Variants in DLG2 observed in about 807,000 individuals in gnomAD.
DLG2 encodes discs large MAGUK scaffold protein 2, also known as disks large homolog 2.
DLG2 carries 45 observed loss-of-function variants against 132.5 expected under a neutral mutation model. That is an observed-to-expected ratio of 0.34 (90% CI 0.27 to 0.44). The LOEUF is 0.44. Among genes scored for constraint, DLG2 ranks in the 20% least tolerant of loss-of-function variants. The probability of loss-of-function intolerance (pLI) is 1.00; values close to 1 mark genes in which losing one functional copy is unlikely to be tolerated. For missense variants in DLG2, 1,045 were observed against 1,196.9 expected, an observed-to-expected ratio of 0.87 and a Z score of 1.87; for synonymous variants, 424 against 419.6, an observed-to-expected ratio of 1.01 and a Z score of -0.13.
At chr11:84,672,219 A>G (rs762400602) in intron 6 of DLG2, among the ~76,000 whole-genome samples, 2 of 152,150 alleles carry the variant, frequency 1.3e-5, no homozygotes, top group Admixed American at 6.6e-5. Flanking sequence ...GTGGGTGTCT[A>G]GTCTATTTCT....
chr11:84,116,026 A>G (rs1157986032), intron 9 of DLG2, among the ~76,000 whole-genome samples: 2 of 152,354 alleles, frequency 1.3e-5, no homozygotes, highest in Middle Eastern at 3.4e-3. Flanking sequence ...TATAAGTTTT[A>G]GAGTTCACAG....
intron 7 of DLG2, among the ~76,000 whole-genome samples, chr11:84,491,344 C>T (rs1771952322): frequency 6.6e-6 from 1 of 152,040 alleles, no homozygotes; most frequent in Non-Finnish European, 1.5e-5. Context: ...ACTCTATTTG[C>T]CTGCCGCCAT....
chr11:83,521,969 C>T (rs928341795), intron 21 of DLG2, among the ~76,000 whole-genome samples: 2 of 152,130 alleles, frequency 1.3e-5, no homozygotes, highest in Non-Finnish European at 2.9e-5. Context: ...CTCCCCAGTA[C>T]CCAAAGAAGA....
chr11:85,322,983 T>C (rs566296390), intron 3 of DLG2, among the ~76,000 whole-genome samples: 1 of 152,300 alleles, frequency 6.6e-6, no homozygotes, highest in South Asian at 2.1e-4. Flanking sequence ...ACAACCCCCA[T>C]TGATTTAACT....
At chr11:84,900,463 A>G (rs976521212) in intron 6 of DLG2, among the ~76,000 whole-genome samples, 2 of 152,094 alleles carry the variant, frequency 1.3e-5, no homozygotes, top group Non-Finnish European at 2.9e-5. Flanking sequence ...GGGGGAATGA[A>G]AAGTAACTAG....
At position 84,945,470 on chromosome 11, in the gene DLG2, C is replaced by A. The variant is rs113881766; in HGVS notation, c.357+166191G>T. ...AGCTATGGAGGGATGACAAAAACAA[C>A]CCTCTGGCTACCACCACTGGGACTG... is the stretch of plus-strand genomic sequence containing the variant. On this transcript the variant is annotated intron_variant, in intron 6 of 27. Transcript: ENST00000376104. Among the ~76,000 whole-genome samples, 276 of 152,300 alleles carry A rather than the reference C, an allele frequency of 1.8e-3. 2 individuals carry two copies. The highest frequency in any genetic ancestry group is 6.3e-3 in the African/African-American group (263 of 41,554).
At chr11:83,994,836 G>A (rs928345554) in intron 11 of DLG2, among the ~76,000 whole-genome samples, 3 of 152,140 alleles carry the variant, frequency 2.0e-5, no homozygotes, top group African/African-American at 7.2e-5. Flanking sequence ...AGCTATAAGA[G>A]TAAATCTATT....
intron 8 of DLG2, among the ~76,000 whole-genome samples, chr11:84,197,556 G>A (rs947818758): frequency 1.3e-5 from 2 of 152,110 alleles, no homozygotes; most frequent in Admixed American, 6.6e-5. Context: ...CCTCCAAAGA[G>A]TCAAGACACA....
At chr11:84,818,355 G>A (rs2077297399) in intron 6 of DLG2, among the ~76,000 whole-genome samples, 1 of 151,842 alleles carries the variant, frequency 6.6e-6, no homozygotes, top group South Asian at 2.1e-4. Context: ...AACTTTTTTG[G>A]TTTAGATTTT....
At chr11:85,021,293 C>T (rs909965666) in intron 6 of DLG2, 6 of 1,264,114 alleles carry the variant, frequency 4.7e-6, no homozygotes, top group African/African-American at 1.5e-5. Context: ...TACATCCTAT[C>T]ATAATAATCC....
chr11:85,513,925 T>C (rs1313163408), intron 3 of DLG2, among the ~76,000 whole-genome samples: 2 of 151,998 alleles, frequency 1.3e-5, no homozygotes, highest in Non-Finnish European at 2.9e-5. Flanking sequence ...GGTCATCTTC[T>C]GTTCCCCATC....
intron 3 of DLG2, among the ~76,000 whole-genome samples, chr11:85,545,959 T>C (rs114073092): frequency 0.031 from 4,674 of 152,264 alleles, 103 homozygotes; most frequent in East Asian, 0.099. Flanking sequence ...ATTCATTGAT[T>C]TTATGTAGGG....
At position 83,541,633 on chromosome 11, in the gene DLG2, T is replaced by C. The variant is rs1294879243; in HGVS notation, c.2117+49A>G. The C allele has an allele frequency of 2.7e-6, 4 of 1,477,834 alleles. No homozygotes were observed. In the Admixed American group the frequency reaches 6.3e-5, roughly 23 times the overall value. 91.5% of individuals were successfully genotyped at this position (1,477,834 alleles called of 1,614,324 possible). Reference sequence around the variant, plus strand: ...CACCTTCTTCTTCCCTCATCTCCACTCGCTGGATAGCTGACAAGCAAATAT... The same window carrying C: ...CACCTTCTTCTTCCCTCATCTCCACCCGCTGGATAGCTGACAAGCAAATAT... On this transcript the variant is annotated intron_variant, in intron 20 of 27. Coordinates refer to ENST00000376104, the MANE Select transcript of DLG2 (RefSeq NM_001142699.3).
At chr11:84,358,431 G>A (rs901067589) in intron 7 of DLG2, among the ~76,000 whole-genome samples, 7 of 146,574 alleles carry the variant, frequency 4.8e-5, no homozygotes, top group African/African-American at 7.6e-5. Flanking sequence ...ATATGAAACC[G>A]ATTTCCATGC....
intron 7 of DLG2, among the ~76,000 whole-genome samples, chr11:84,513,775 C>T (rs1361982315): frequency 1.3e-5 from 2 of 150,426 alleles, no homozygotes; most frequent in Non-Finnish European, 3.0e-5. Context: ...TGGTCCAGGC[C>T]CCCCAAAAAA....
chr11:83,726,092 A>T (rs1200342540), intron 18 of DLG2, among the ~76,000 whole-genome samples: 1 of 152,250 alleles, frequency 6.6e-6, no homozygotes, highest in Non-Finnish European at 1.5e-5. Context: ...AAGTCATCTA[A>T]GTGTAAATGT....
rs371899528 is a variant in DLG2, at chr11:85,021,366, A to T, written c.357+90295T>A. The T allele has an allele frequency of 1.8e-3, 2,418 of 1,330,398 alleles. 37 individuals carry two copies. The South Asian group carries it at 0.019, about 10-fold the overall frequency. The allele number at this position is 1,330,398 out of a possible 1,614,324, so 82.4% of individuals were successfully genotyped here. A position where few individuals can be genotyped will look rare whatever the true frequency, so the allele number is the denominator to read the frequency against. Reference sequence around the variant, plus strand: ...ACATCTGTGCTGCAGATCGTTTCACACCTGCTTTTCCTCGGTTCACTTTTG... The same window carrying T: ...ACATCTGTGCTGCAGATCGTTTCACTCCTGCTTTTCCTCGGTTCACTTTTG... On this transcript the variant is annotated intron_variant, in intron 6 of 27. Transcript: ENST00000376104.
intron 4 of DLG2, among the ~76,000 whole-genome samples, chr11:85,215,166 C>A (rs1340673081): frequency 2.6e-5 from 4 of 152,094 alleles, no homozygotes; most frequent in Non-Finnish European, 5.9e-5. Context: ...TTTAAGCCTG[C>A]TAAAACATGT....
chr11:83,946,680 T>A (rs1439154347), intron 14 of DLG2, among the ~76,000 whole-genome samples: 1 of 152,246 alleles, frequency 6.6e-6, no homozygotes, highest in Non-Finnish European at 1.5e-5. Context: ...AAATATTAAG[T>A]TCTTTTTTCA....
Sources: gnomAD v4.1 joint callset for allele counts (sites outside exome capture counted in the v4.1 genomes callset) on GRCh38, gnomAD v4.1.1 for gene constraint, MANE v1.5 for transcripts, NCBI Gene and HGNC (gene_info 2026-07-23, HGNC 2026-07-21) for gene names.